Variants in DACH2 observed in about 807,000 individuals in gnomAD.
DACH2 encodes the protein dachshund family transcription factor 2.
DACH2 carries 17 observed loss-of-function variants against 35.8 expected under a neutral mutation model. The ratio of observed to expected loss-of-function variants is 0.48; its 90% confidence interval spans 0.33 to 0.71. The LOEUF (loss-of-function observed/expected upper bound fraction) is 0.71, where lower values mean the gene tolerates loss of function less well. DACH2 is among the 30% of genes least tolerant of loss of function. The probability of loss-of-function intolerance (pLI) is 0.02; values close to 1 mark genes in which losing one functional copy is unlikely to be tolerated. For missense variants in DACH2, 469 were observed against 472.7 expected (o/e 0.99, Z 0.07); for synonymous variants, 195 against 177.3 (o/e 1.10, Z -0.79).
At chrX:86,222,637 G>C (rs2032738125) in intron 1 of DACH2, among the ~76,000 whole-genome samples, 1 of 111,077 alleles carries the variant, frequency 9.0e-6, no homozygotes, top group South Asian at 3.8e-4. Context: ...AGTGTATCTG[G>C]CAGTAAAATG....
chrX:86,495,811 A>G (rs73631956), intron 2 of DACH2, among the ~76,000 whole-genome samples: 1,367 of 110,599 alleles, frequency 0.012, 23 homozygotes, highest in African/African-American at 0.042. Flanking sequence ...GGAAAAAAAA[A>G]AAAGAAAGAA....
intron 1 of DACH2, among the ~76,000 whole-genome samples, chrX:86,331,740 T>C (rs1270173612): frequency 1.8e-5 from 2 of 111,383 alleles, no homozygotes. Context: ...AAATACACTA[T>C]ACAAGTGTCA....
intron 1 of DACH2, among the ~76,000 whole-genome samples, chrX:86,308,126 T>C (rs970161652): frequency 1.8e-5 from 2 of 112,242 alleles, no homozygotes; most frequent in African/African-American, 6.5e-5. Flanking sequence ...TTAGACCTGC[T>C]CATCGCACCT....
chrX:86,817,643 A>G (rs1358245819), intron 11 of DACH2, among the ~76,000 whole-genome samples: 1 of 111,680 alleles, frequency 9.0e-6, no homozygotes, highest in Non-Finnish European at 1.9e-5. Context: ...TTTAATTTAT[A>G]TGATACCTTT....
At chrX:86,520,232 C>A (rs138075501) in intron 3 of DACH2, among the ~76,000 whole-genome samples, 7,272 of 111,396 alleles carry the variant, frequency 0.065, 611 homozygotes, top group African/African-American at 0.22. Context: ...TTTTCATCGT[C>A]TTCACTTCTG....
chrX:86,295,653 C>T (rs1484745316), intron 1 of DACH2, among the ~76,000 whole-genome samples: 2 of 110,914 alleles, frequency 1.8e-5, no homozygotes, highest in East Asian at 2.8e-4. Flanking sequence ...TCTCCTTGGT[C>T]GGACATCAGC....
At chrX:86,163,062 CTA>C (rs2030819977) in intron 1 of DACH2, among the ~76,000 whole-genome samples, 1 of 110,797 alleles carries the variant, frequency 9.0e-6, no homozygotes, top group African/African-American at 3.3e-5. Context: ...TAATTACACT[CTA>C]AGTTATTTTA....
chrX:86,584,965 G>A (rs374657067), intron 3 of DACH2, among the ~76,000 whole-genome samples: 2 of 111,013 alleles, frequency 1.8e-5, no homozygotes, highest in South Asian at 3.8e-4. Context: ...TCTATGTCAT[G>A]GCAAAGAACA....
chrX:86,457,365 C>T (rs1432854587), intron 2 of DACH2, among the ~76,000 whole-genome samples: 1 of 111,847 alleles, frequency 8.9e-6, no homozygotes, highest in Non-Finnish European at 1.9e-5. Context: ...TTTTATGAGA[C>T]TAACTGTGCC....
At chrX:86,547,017 T>A (rs1311449505) in intron 3 of DACH2, among the ~76,000 whole-genome samples, 1 of 111,308 alleles carries the variant, frequency 9.0e-6, no homozygotes, top group Non-Finnish European at 1.9e-5. Flanking sequence ...TCTAATCCCC[T>A]TTATCTGGAC....
chrX:86,423,762 A>G (rs923233369), intron 2 of DACH2, among the ~76,000 whole-genome samples: 2 of 110,523 alleles, frequency 1.8e-5, no homozygotes, highest in East Asian at 2.8e-4. Flanking sequence ...ACTTTTCCCA[A>G]TGTTTTCTTG....
intron 1 of DACH2, among the ~76,000 whole-genome samples, chrX:86,375,740 TC>T (rs1488725405): frequency 1.8e-5 from 2 of 109,145 alleles, no homozygotes; most frequent in Non-Finnish European, 3.8e-5. Context: ...AGATATATTT[TC>T]ATTTTTTTTA....
chrX:86,316,392 TTGTTTATCTG>T (rs769355170), intron 1 of DACH2, among the ~76,000 whole-genome samples: 36 of 110,794 alleles, frequency 3.2e-4, no homozygotes, highest in African/African-American at 1.1e-3. Flanking sequence ...CGTGCCTGAG[TTGTTTATCTG>T]TGTTTTACAG....
chrX:86,483,260 A>G (rs1219795550), intron 2 of DACH2, among the ~76,000 whole-genome samples: 5 of 111,284 alleles, frequency 4.5e-5, no homozygotes, highest in Admixed American at 9.6e-5. Flanking sequence ...TTGGAATTCT[A>G]AAATAAATAT....
At chrX:86,178,798 A>G (rs1285717102) in intron 1 of DACH2, among the ~76,000 whole-genome samples, 2 of 112,002 alleles carry the variant, frequency 1.8e-5, no homozygotes, top group African/African-American at 6.5e-5. Flanking sequence ...ATAAGATCAT[A>G]GAACATTAGC....
chrX:86,441,869 G>GTA (rs113721694), intron 2 of DACH2, among the ~76,000 whole-genome samples: 1,165 of 98,139 alleles, frequency 0.012, 9 homozygotes, highest in East Asian at 0.04. Context: ...GTGTGTGTGT[G>GTA]TATATATATA....
At chrX:86,732,234 T>C (rs2041540422) in intron 6 of DACH2, among the ~76,000 whole-genome samples, 1 of 112,066 alleles carries the variant, frequency 8.9e-6, no homozygotes, top group South Asian at 3.7e-4. Context: ...ATTCTTTCAG[T>C]TACCCAGAAA....
intron 2 of DACH2, among the ~76,000 whole-genome samples, chrX:86,421,336 G>A (rs2036799162): frequency 9.0e-6 from 1 of 111,240 alleles, no homozygotes; most frequent in South Asian, 3.7e-4. Flanking sequence ...TTTTAAAGCA[G>A]CCCTAGGAGT....
In DACH2 at chrX:86,832,494, A is replaced by AGTT; in HGVS notation, c.*340_*342dup. The AGTT allele has an allele frequency of 5.7e-6, 1 of 176,880 alleles. No individual in the cohort carries two copies. Among genetic ancestry groups the AGTT allele is most frequent in the Non-Finnish European group, 1.0e-5 (1 of 96,668 alleles). 14.6% of individuals were successfully genotyped at this position (176,880 alleles called of 1,213,427 possible). On this transcript the variant is annotated 3_prime_UTR_variant, in exon 12 of 12. Coordinates refer to ENST00000373125, the MANE Select transcript of DACH2 (RefSeq NM_053281.3). ...TGCAGTAGTGTGTTAGAGACTAGAA[A>AGTT]GTTATATGTATGGTTTCCCTGTTCT...
Sources: gnomAD v4.1 joint callset for allele counts (sites outside exome capture counted in the v4.1 genomes callset) on GRCh38, gnomAD v4.1.1 for gene constraint, MANE v1.5 for transcripts, NCBI Gene and HGNC (gene_info 2026-07-23, HGNC 2026-07-21) for gene names.